The following LHFPL3 variants were observed in gnomAD, a reference collection of about 807,000 sequenced individuals.
LHFPL3 encodes LHFPL tetraspan subfamily member 3, also known as LHFPL tetraspan subfamily member 3 protein.
A neutral mutation model predicts 19.3 loss-of-function variants in LHFPL3; 5 were observed. The ratio of observed to expected loss-of-function variants is 0.26; its 90% CI spans 0.14 to 0.54. The LOEUF is 0.54. LHFPL3 is among the 20% of genes least tolerant of loss of function. LHFPL3 has a pLI of 0.94. For synonymous variants in LHFPL3, 133 were observed against 126.2 expected (o/e 1.05, Z -0.36); for missense variants, 249 against 307.4 (o/e 0.81, Z 1.42).
chr7:104,437,125 C>T (rs1792123292), intron 1 of LHFPL3, among the ~76,000 whole-genome samples: 1 of 152,204 alleles, frequency 6.6e-6, no homozygotes. Flanking sequence ...ATTTATAACA[C>T]TTGTCCTTTG....
intron 2 of LHFPL3, among the ~76,000 whole-genome samples, chr7:104,776,389 A>G (rs1794637217): frequency 6.6e-6 from 1 of 152,162 alleles, no homozygotes; most frequent in Non-Finnish European, 1.5e-5. Context: ...CTCAAGCTCT[A>G]AGGAAGACAC....
Position 104,403,758 on chromosome 7 carries a change from T to A in LHFPL3, c.445+74534T>A, listed in dbSNP as rs1336562914. Among the ~76,000 whole-genome samples the A allele has an allele frequency of 1.1e-4, 15 of 133,438 alleles. No individual in the cohort carries two copies. The Admixed American group carries it at 1.2e-3, about 11-fold the overall frequency. The allele number at this position is 133,438 out of a possible 152,430, so 87.5% of individuals were successfully genotyped here. The stretch of plus-strand genomic sequence containing the variant: ...CTCTCTCTCTCTCTCTCTCTCTCTC[T>A]CATCATTAGGAAATGGCCTCTAATG... On this transcript the variant is annotated intron_variant, in intron 1 of 2. Coordinates refer to ENST00000424859, the MANE Select transcript of LHFPL3 (RefSeq NM_199000.3).
intron 2 of LHFPL3, among the ~76,000 whole-genome samples, chr7:104,891,027 T>A (rs1469034617): frequency 1.3e-5 from 2 of 151,990 alleles, no homozygotes; most frequent in Admixed American, 1.3e-4. Context: ...ATGACACAAC[T>A]GTTGCAGCTA....
chr7:104,376,811 A>T (rs1276927764), intron 1 of LHFPL3, among the ~76,000 whole-genome samples: 3 of 152,174 alleles, frequency 2.0e-5, no homozygotes, highest in Non-Finnish European at 2.9e-5. Flanking sequence ...CAGTCATTTT[A>T]CCAATAATAT....
At chr7:104,815,975 C>T (rs1413176717) in intron 2 of LHFPL3, among the ~76,000 whole-genome samples, 2 of 152,152 alleles carry the variant, frequency 1.3e-5, no homozygotes, top group Non-Finnish European at 2.9e-5. Context: ...CCCCTCCTTC[C>T]TGTAGCTGAC....
intron 1 of LHFPL3, among the ~76,000 whole-genome samples, chr7:104,548,574 C>G (rs148310662): frequency 1.5e-3 from 224 of 152,074 alleles, no homozygotes; most frequent in African/African-American, 4.9e-3. Flanking sequence ...TAAACAAATA[C>G]GAAATAAAGA....
intron 1 of LHFPL3, among the ~76,000 whole-genome samples, chr7:104,394,909 G>A (rs1368649890): frequency 6.6e-6 from 1 of 151,800 alleles, no homozygotes; most frequent in Admixed American, 6.6e-5. Context: ...CCATCTTAGC[G>A]AGGCTGGTCT....
intron 1 of LHFPL3, among the ~76,000 whole-genome samples, chr7:104,595,180 T>C (rs1041597535): frequency 2.6e-5 from 4 of 152,246 alleles, no homozygotes; most frequent in Non-Finnish European, 4.4e-5. Flanking sequence ...TGTGGTTATA[T>C]CTACCTTTGG....
At chr7:104,558,091 G>A (rs1461269893) in intron 1 of LHFPL3, among the ~76,000 whole-genome samples, 1 of 149,804 alleles carries the variant, frequency 6.7e-6, no homozygotes, top group African/African-American at 2.5e-5. Context: ...TTGGACATTT[G>A]GGTTGGTTCC....
chr7:104,829,600 A>C (rs7784475), intron 2 of LHFPL3, among the ~76,000 whole-genome samples: 1 of 151,410 alleles, frequency 6.6e-6, no homozygotes, highest in East Asian at 1.9e-4. Context: ...TTGTCCTTGC[A>C]ATAGTTTGCT....
At chr7:104,392,702 A>C (rs1172652368) in intron 1 of LHFPL3, among the ~76,000 whole-genome samples, 3 of 152,128 alleles carry the variant, frequency 2.0e-5, no homozygotes, top group Non-Finnish European at 2.9e-5. Context: ...TGGCCTCATA[A>C]AATGAGTTAG....
At chr7:104,373,929 A>AACAAAC (rs1195044289) in intron 1 of LHFPL3, among the ~76,000 whole-genome samples, 1 of 152,172 alleles carries the variant, frequency 6.6e-6, no homozygotes, top group East Asian at 1.9e-4. Context: ...CAAAAACAAA[A>AACAAAC]AAACATGTTT....
At chr7:104,683,348 C>G (rs1009962157) in intron 1 of LHFPL3, among the ~76,000 whole-genome samples, 3 of 152,188 alleles carry the variant, frequency 2.0e-5, no homozygotes, top group African/African-American at 7.2e-5. Flanking sequence ...TTTTACTTGT[C>G]TGAACACTTG....
chr7:104,718,533 G>A (rs1278276344), intron 1 of LHFPL3, among the ~76,000 whole-genome samples: 3 of 152,172 alleles, frequency 2.0e-5, no homozygotes, highest in Admixed American at 6.5e-5. Context: ...TCAGCCTATA[G>A]TGACTTTCCC....
In LHFPL3 at chr7:104,442,741, T is replaced by G. The variant is rs545957485; in HGVS notation, c.445+113517T>G. Among the ~76,000 whole-genome samples the G allele has an allele frequency of 8.2e-3, 1,245 of 152,338 alleles. 7 individuals are homozygous for G. Among genetic ancestry groups the G allele is most frequent in the Non-Finnish European group, 0.015 (988 of 68,032 alleles). ...AAGCTTGCTCTTTCTGGCAACATAT[T>G]GTGCCTTTTTAAAGTGTCTCCTTGG... is the stretch of plus-strand genomic sequence containing the variant. On this transcript the variant is annotated intron_variant, in intron 1 of 2. Coordinates refer to ENST00000424859, the MANE Select transcript of LHFPL3 (RefSeq NM_199000.3).
intron 1 of LHFPL3, among the ~76,000 whole-genome samples, chr7:104,701,761 A>G (rs1263611464): frequency 6.6e-6 from 1 of 152,172 alleles, no homozygotes; most frequent in Non-Finnish European, 1.5e-5. Flanking sequence ...GTCTATTTTT[A>G]CTCATCCTAC....
At chr7:104,336,321 T>C (rs1007987800) in intron 1 of LHFPL3, among the ~76,000 whole-genome samples, 1 of 152,002 alleles carries the variant, frequency 6.6e-6, no homozygotes, top group African/African-American at 2.4e-5. Flanking sequence ...ATTTGAAAAA[T>C]AGAAATAATC....
chr7:104,587,587 C>G (rs558660237), intron 1 of LHFPL3, among the ~76,000 whole-genome samples: 16 of 152,290 alleles, frequency 1.1e-4, no homozygotes, highest in African/African-American at 3.6e-4. Context: ...CATACATGTT[C>G]ATGTGTCTTT....
intron 1 of LHFPL3, among the ~76,000 whole-genome samples, chr7:104,377,132 G>T (rs1790731301): frequency 6.6e-6 from 1 of 152,188 alleles, no homozygotes; most frequent in South Asian, 2.1e-4. Context: ...GGTGGCAGGG[G>T]ACTGGATGCA....
Sources: allele counts gnomAD v4.1 joint callset (sites outside exome capture counted in the v4.1 genomes callset), GRCh38; gene constraint gnomAD v4.1.1; transcripts MANE v1.5; gene names NCBI Gene and HGNC (gene_info 2026-07-23, HGNC 2026-07-21).